Variants in DOCK8 observed in about 807,000 individuals in gnomAD.
DOCK8 encodes the protein dedicator of cytokinesis 8, also known as dedicator of cytokinesis protein 8.
DOCK8 carries 141 observed loss-of-function variants against 245.6 expected under a neutral mutation model. That is an observed-to-expected ratio of 0.57 (90% CI 0.50 to 0.66). DOCK8 has a LOEUF of 0.66. Among genes scored for constraint, DOCK8 ranks in the 30% least tolerant of loss-of-function variants. The pLI is 0.00. For synonymous variants in DOCK8, 1,168 were observed against 970.2 expected (o/e 1.20, Z -3.79); for missense variants, 2,965 against 2,603.4 (o/e 1.14, Z -3.02).
chr9:349,365 A>G (rs1483482908), intron 14 of DOCK8, among the ~76,000 whole-genome samples: 3 of 152,240 alleles, frequency 2.0e-5, no homozygotes, highest in Admixed American at 6.5e-5. Flanking sequence ...ACAACTTTCA[A>G]AATGTAAATT....
At chr9:279,053 G>A (rs773599497) in intron 2 of DOCK8, among the ~76,000 whole-genome samples, 1 of 152,190 alleles carries the variant, frequency 6.6e-6, no homozygotes, top group Non-Finnish European at 1.5e-5. Flanking sequence ...AAAGTGAGAA[G>A]TATTCTGGAT....
chr9:273,125 G>A, intron 2 of DOCK8: 5 of 964,568 alleles, frequency 5.2e-6, no homozygotes, highest in Non-Finnish European at 6.1e-6. Context: ...AGTGATTTCT[G>A]GTTATTTCAG....
intron 1 of DOCK8, among the ~76,000 whole-genome samples, chr9:241,588 G>A (rs1207453847): frequency 2.0e-5 from 3 of 152,138 alleles, no homozygotes; most frequent in Non-Finnish European, 4.4e-5. Flanking sequence ...CCATTCCAGT[G>A]TGTATCTATC....
chr9:229,429 C>G (rs193011376), intron 1 of DOCK8, among the ~76,000 whole-genome samples: 249 of 152,292 alleles, frequency 1.6e-3, no homozygotes, highest in African/African-American at 5.8e-3. Flanking sequence ...GGTATATGAA[C>G]TTAATAATCC....
intron 12 of DOCK8, 24 bp downstream of exon 12, chr9:336,742 T>G (rs571050374): frequency 2.5e-6 from 4 of 1,613,746 alleles, no homozygotes; most frequent in Non-Finnish European, 3.4e-6. Context: ...TTACAGTGTG[T>G]CTGGATTTTT....
intron 1 of DOCK8, among the ~76,000 whole-genome samples, chr9:236,357 C>T (rs1405430122): frequency 6.6e-6 from 1 of 152,176 alleles, no homozygotes; most frequent in Non-Finnish European, 1.5e-5. Context: ...TTCAGAGCTG[C>T]GTTAGCTTTG....
At chr9:332,005 T>C (rs2051033425) in intron 9 of DOCK8, among the ~76,000 whole-genome samples, 2 of 152,256 alleles carry the variant, frequency 1.3e-5, no homozygotes, top group African/African-American at 4.8e-5. Flanking sequence ...TTCCACTTCC[T>C]ACGTATGTCT....
chr9:305,611 TAC>T (rs1448150415), intron 5 of DOCK8, among the ~76,000 whole-genome samples: 8 of 152,186 alleles, frequency 5.3e-5, no homozygotes, highest in African/African-American at 1.9e-4. Flanking sequence ...ATAAAGTAAT[TAC>T]AGTTTAAAAT....
intron 24 of DOCK8, among the ~76,000 whole-genome samples, chr9:396,137 A>G (rs1194688579): frequency 6.6e-6 from 1 of 152,070 alleles, no homozygotes; most frequent in Non-Finnish European, 1.5e-5. Context: ...TTTCCCCTAG[A>G]GGTAATGTTT....
At chr9:292,045 A>G (rs768911317) in intron 4 of DOCK8, among the ~76,000 whole-genome samples, 130 of 137,352 alleles carry the variant, frequency 9.5e-4, no homozygotes, top group Non-Finnish European at 1.5e-3. Context: ...ACACCAGCCC[A>G]GGCAACAGAG....
intron 25 of DOCK8, 41 bp downstream of exon 25, chr9:396,975 G>A: frequency 6.3e-7 from 1 of 1,575,902 alleles, no homozygotes; most frequent in African/African-American, 1.3e-5. Context: ...TTGTTTACCT[G>A]GAACATATAT....
intron 9 of DOCK8, among the ~76,000 whole-genome samples, chr9:329,929 C>G (rs2050932599): frequency 6.6e-6 from 1 of 152,242 alleles, no homozygotes; most frequent in African/African-American, 2.4e-5. Context: ...AAGACAGCCC[C>G]TGGTTGGCTT....
chr9:443,172 CA>C (rs2057146241), intron 42 of DOCK8, among the ~76,000 whole-genome samples: 1 of 152,170 alleles, frequency 6.6e-6, no homozygotes. Context: ...GGAGATACCT[CA>C]GCAAATATAA....
At chr9:398,582 T>G (rs2054575272) in intron 25 of DOCK8, among the ~76,000 whole-genome samples, 1 of 152,168 alleles carries the variant, frequency 6.6e-6, no homozygotes, top group Non-Finnish European at 1.5e-5. Context: ...GCTTATTAAT[T>G]GGGATTCATG....
chr9:293,360 G>T (rs943628), intron 4 of DOCK8, among the ~76,000 whole-genome samples: 40,570 of 152,150 alleles, frequency 0.27, 5,645 homozygotes, highest in African/African-American at 0.31. Context: ...ATTGCCAGAT[G>T]TCCTTCATCT....
Position 289,507 on chromosome 9 carries a change from T to C in DOCK8, c.333-3T>C. 6.2e-7 allele frequency: 1 copy of C among 1,612,952 alleles called. No homozygotes were observed. The highest frequency in any genetic ancestry group is 8.5e-7 in the Non-Finnish European group (1 of 1,179,100). On this transcript the variant is annotated splice_polypyrimidine_tract_variant and splice_region_variant and intron_variant, in intron 3 of 47. Transcript: ENST00000432829. ...GTGTTTATTTCATTTTCTACCTCAT[T>C]AGGGTTGAACTGGACCCTCATGTCA... is the stretch of plus-strand genomic sequence containing the variant.
Position 463,667 on chromosome 9 carries a change from C to G in DOCK8, c.6219C>G (p.Phe2073Leu), listed in dbSNP as rs1432715935. ...RKIPELYKPI[F>L]RVESQKRDSF... ...TTCCAGAACTGTACAAGCCAATATT[C>G]AGAGTTGAGAGTCAAAAGAGGTAAG... Residue 2073 changes from phenylalanine to leucine, a missense_variant, in exon 47 of 48, where the codon TTC (phenylalanine) becomes TTG (leucine). Around this residue, in one of 3 missense-constraint regions of DOCK8, gnomAD observed 134 missense variants for 128.1 expected, o/e 1.05. Transcript: ENST00000432829. The G allele has an allele frequency of 8.7e-6, 14 of 1,613,700 alleles. No homozygotes were observed. The Admixed American group carries it at 2.2e-4, about 25-fold the overall frequency.
intron 26 of DOCK8, among the ~76,000 whole-genome samples, chr9:400,931 A>C (rs1375299732): frequency 2.9e-4 from 13 of 44,156 alleles, no homozygotes; most frequent in Admixed American, 1.0e-3. Flanking sequence ...CATCACCACA[A>C]CATCCACCAC....
At chr9:217,532 G>A (rs1033321897) in intron 1 of DOCK8, among the ~76,000 whole-genome samples, 5 of 152,140 alleles carry the variant, frequency 3.3e-5, no homozygotes, top group African/African-American at 1.2e-4. Flanking sequence ...TAATCCTCAG[G>A]CAAGAAAATG....
Sources: allele counts gnomAD v4.1 joint callset (sites outside exome capture counted in the v4.1 genomes callset), GRCh38; gene constraint gnomAD v4.1.1; regional missense constraint gnomAD v4.1.1; transcripts MANE v1.5; gene names NCBI Gene and HGNC (gene_info 2026-07-23, HGNC 2026-07-21).